The following PCDHGB7 variants were observed in gnomAD, a reference collection of about 807,000 sequenced individuals.
PCDHGB7 encodes protocadherin gamma subfamily B, 7.
A neutral mutation model predicts 61.4 loss-of-function variants in PCDHGB7; 37 were observed. The observed-to-expected ratio is 0.60, with a 90% CI of 0.46 to 0.79. PCDHGB7 has a LOEUF of 0.79. PCDHGB7 is among the 30% of genes least tolerant of loss of function. The probability of loss-of-function intolerance (pLI) is 0.00; values close to 1 mark genes in which losing one functional copy is unlikely to be tolerated. For synonymous variants in PCDHGB7, 464 were observed against 503.5 expected, an observed-to-expected ratio of 0.92 and a Z score of 1.05; for missense variants, 1,166 against 1,202.5, an observed-to-expected ratio of 0.97 and a Z score of 0.45.
At chr5:141,504,113 C>A (rs568207803) in intron 2 of PCDHGB7, among the ~76,000 whole-genome samples, 1 of 152,220 alleles carries the variant, frequency 6.6e-6, no homozygotes, top group Non-Finnish European at 1.5e-5. Flanking sequence ...TGTGTGTGTG[C>A]CAGGGCTGTT....
chr5:141,476,966 G>A lies in PCDHGB7; in HGVS notation c.2416-17841G>A. ...CAACGGTGAAATTATTTACTCCTTC[G>A]GCAGCCACAACCGCGCCGGCGTGCG... On this transcript the variant is annotated intron_variant, in intron 1 of 3. Transcript: ENST00000398594. This position sits in a 1 kb window ranked among gnomAD's most constrained non-coding sequence, Gnocchi z 7.6. 1 of 1,614,152 alleles carries A rather than the reference G, an allele frequency of 6.2e-7. No individual in the cohort carries two copies. The highest frequency in any genetic ancestry group is 8.5e-7 in the Non-Finnish European group (1 of 1,180,032).
intron 1 of PCDHGB7, among the ~76,000 whole-genome samples, chr5:141,484,740 GA>G (rs1047805396): frequency 6.6e-6 from 1 of 150,760 alleles, no homozygotes; most frequent in Non-Finnish European, 1.5e-5. Context: ...GGTGTGTTAG[GA>G]AAAAAAATGT....
Position 141,418,874 on chromosome 5 carries a change from G to A in PCDHGB7, c.1015G>A (p.Asp339Asn), listed in dbSNP as rs2096295785. The A allele has an allele frequency of 6.2e-7, 1 of 1,614,024 alleles. No individual in the cohort carries two copies. The highest frequency in any genetic ancestry group is 2.2e-5 in the East Asian group (1 of 44,884). Residue 339 changes from aspartate (D) to asparagine (N), a missense_variant, in exon 1 of 4, where the codon GAC becomes AAC. Physicochemically the swap from Asp to Asn is conservative, Grantham distance 23. Coordinates refer to ENST00000398594, the MANE Select transcript of PCDHGB7 (RefSeq NM_018927.4). ...GTGTAAAGTAATTGTAGAAGTTGTA[G>A]ACGAAAACGACAACAGCCCAGAAAT... ...TRCKVIVEVV[D>N]ENDNSPEIII...
In PCDHGB7 at chr5:141,491,533, C is replaced by G. The variant is rs758270791; in HGVS notation, c.2416-3274C>G. 4.3e-6 allele frequency: 7 copies of G among 1,614,010 alleles called. No homozygotes were observed. The highest frequency in any genetic ancestry group is 5.1e-6 in the Non-Finnish European group (6 of 1,180,028). ...GCTCAAGTACATGGAGGTGACGCTGCGGCCCACAGACTCGCAGAGCCACTG... is the reference window on the plus strand; with the variant it reads ...GCTCAAGTACATGGAGGTGACGCTGGGGCCCACAGACTCGCAGAGCCACTG... On this transcript the variant is annotated intron_variant, in intron 1 of 3. Transcript: ENST00000398594. The surrounding 1 kb of genome is among the most constrained non-coding windows in gnomAD (Gnocchi z 6.9).
chr5:141,462,336 T>C (rs2099037439), intron 1 of PCDHGB7, among the ~76,000 whole-genome samples: 1 of 152,238 alleles, frequency 6.6e-6, no homozygotes, highest in African/African-American at 2.4e-5. Flanking sequence ...TTTAATTGTA[T>C]TGTGATCCAA....
At chr5:141,433,363 CTA>C (rs2097590674) in intron 1 of PCDHGB7, 2 of 463,314 alleles carry the variant, frequency 4.3e-6, no homozygotes, top group African/African-American at 5.6e-5. Flanking sequence ...GTCTGCCTAT[CTA>C]TCTATCTATC....
At chr5:141,466,104 AGAGT>A (rs2154569127) in intron 1 of PCDHGB7, among the ~76,000 whole-genome samples, 1 of 152,144 alleles carries the variant, frequency 6.6e-6, no homozygotes, top group Admixed American at 6.5e-5. Flanking sequence ...CCTGGGCAAC[AGAGT>A]GAGACTCCAG....
intron 1 of PCDHGB7, among the ~76,000 whole-genome samples, chr5:141,443,369 C>T (rs1403494558): frequency 6.6e-6 from 1 of 151,848 alleles, no homozygotes; most frequent in African/African-American, 2.4e-5. Context: ...CCTGTGGTCT[C>T]AGCTACTTGG....
intron 1 of PCDHGB7, among the ~76,000 whole-genome samples, chr5:141,483,208 G>A (rs1195144442): frequency 6.6e-6 from 1 of 152,196 alleles, no homozygotes; most frequent in East Asian, 1.9e-4. Context: ...ATTCCATATA[G>A]ATGACAGTCA....
chr5:141,457,193 A>G (rs2154565853), intron 1 of PCDHGB7, among the ~76,000 whole-genome samples: 1 of 152,356 alleles, frequency 6.6e-6, no homozygotes, highest in African/African-American at 2.4e-5. Flanking sequence ...GAGTGAGGAA[A>G]GCAGTTCCCA....
intron 1 of PCDHGB7, among the ~76,000 whole-genome samples, chr5:141,438,497 T>C (rs1274742357): frequency 6.7e-6 from 1 of 149,116 alleles, no homozygotes; most frequent in African/African-American, 2.5e-5. Flanking sequence ...GAAAAAAGAA[T>C]CATAGTGCAA....
At chr5:141,510,272 TAA>T (rs546154379) in intron 3 of PCDHGB7, among the ~76,000 whole-genome samples, 46 of 130,286 alleles carry the variant, frequency 3.5e-4, no homozygotes, top group South Asian at 5.0e-4. Context: ...GACTCCATCT[TAA>T]AAAAAAAAAA....
intron 1 of PCDHGB7, among the ~76,000 whole-genome samples, chr5:141,494,070 C>T (rs933213518): frequency 3.9e-5 from 6 of 152,174 alleles, no homozygotes; most frequent in African/African-American, 1.4e-4. Context: ...AGCTGGATCC[C>T]TCCCCGCTGC....
At chr5:141,438,591 CATATATATATATATATATATAT>C (rs946798767) in intron 1 of PCDHGB7, among the ~76,000 whole-genome samples, 1 of 75,562 alleles carries the variant, frequency 1.3e-5, no homozygotes, top group Middle Eastern at 7.4e-3. Context: ...TACATACATA[CATATATATATATATATATATAT>C]ATATATATAT....
chr5:141,471,408 T>C (rs951728688), intron 1 of PCDHGB7: 1 of 152,166 alleles, frequency 6.6e-6, no homozygotes, highest in Non-Finnish European at 1.5e-5. Flanking sequence ...CTAGGCTTAG[T>C]TATGTTTTTA....
chr5:141,421,665 C>G (rs1227312221), intron 1 of PCDHGB7: 4 of 1,613,854 alleles, frequency 2.5e-6, no homozygotes, highest in Non-Finnish European at 2.5e-6. Flanking sequence ...TCAGTGAGCA[C>G]GCAATTCCTG....
chr5:141,455,533 T>C (rs1232689740), intron 1 of PCDHGB7, among the ~76,000 whole-genome samples: 1 of 152,134 alleles, frequency 6.6e-6, no homozygotes, highest in African/African-American at 2.4e-5. Flanking sequence ...TGACCAGGCA[T>C]ATCATTCACG....
At chr5:141,492,703 G>A (rs2099743198) in intron 1 of PCDHGB7, among the ~76,000 whole-genome samples, 1 of 152,246 alleles carries the variant, frequency 6.6e-6, no homozygotes, top group Non-Finnish European at 1.5e-5. Flanking sequence ...CAACCCAGAA[G>A]CCTCGAGCAG....
At position 141,487,075 on chromosome 5, in the gene PCDHGB7, C is replaced by T. The variant is rs755563146; in HGVS notation, c.2416-7732C>T. The T allele has an allele frequency of 1.9e-6, 3 of 1,614,116 alleles. No individual in the cohort carries two copies. The highest frequency in any genetic ancestry group is 2.5e-6 in the Non-Finnish European group (3 of 1,179,982). ...GGGAGGTGCGGACGGCTGTTCCTATCCCAGCTGACCTCCCACCACAGAAGC... is the reference window on the plus strand; with the variant it reads ...GGGAGGTGCGGACGGCTGTTCCTATTCCAGCTGACCTCCCACCACAGAAGC... On this transcript the variant is annotated intron_variant, in intron 1 of 3. Transcript: ENST00000398594. This position sits in a 1 kb window ranked among gnomAD's most constrained non-coding sequence, Gnocchi z 5.0.
Sources: gnomAD v4.1 joint callset for allele counts (sites outside exome capture counted in the v4.1 genomes callset) on GRCh38, gnomAD v4.1.1 for gene constraint, Gnocchi (gnomAD v3.1) non-coding constraint, MANE v1.5 for transcripts, NCBI Gene and HGNC (gene_info 2026-07-23, HGNC 2026-07-21) for gene names.